The following CCDC178 variants were observed in gnomAD, a reference collection of about 807,000 sequenced individuals.
CCDC178 encodes coiled-coil domain containing 178, also known as coiled-coil domain-containing protein 178.
Under a neutral mutation model 117.4 loss-of-function variants are expected in CCDC178, and 126 were observed. The observed-to-expected ratio is 1.07, with a 90% CI of 0.93 to 1.24. CCDC178 has a LOEUF of 1.24. Among genes scored for constraint, CCDC178 ranks in the 50% most tolerant of loss-of-function variants. The pLI is 0.00. For synonymous variants in CCDC178, 283 were observed against 313.4 expected (o/e 0.90, Z 1.02); for missense variants, 1,030 against 986.9 (o/e 1.04, Z -0.59).
intron 3 of CCDC178, among the ~76,000 whole-genome samples, chr18:33,409,105 T>C (rs756146392): frequency 5.9e-5 from 9 of 152,176 alleles, no homozygotes; most frequent in Non-Finnish European, 1.0e-4. Flanking sequence ...ATTTTTATTG[T>C]TTGTTTTTTG....
chr18:32,964,748 A>G (rs187018240), intron 22 of CCDC178, among the ~76,000 whole-genome samples: 1,878 of 152,084 alleles, frequency 0.012, 24 homozygotes, highest in South Asian at 0.042. Context: ...AGACTCTAGC[A>G]TTCAGAGCGG....
chr18:33,288,586 T>C (rs2060130723), intron 12 of CCDC178, among the ~76,000 whole-genome samples: 1 of 151,540 alleles, frequency 6.6e-6, no homozygotes, highest in South Asian at 2.1e-4. Context: ...AGAGTCACAA[T>C]GCATCTCCTG....
At chr18:33,269,513 G>C (rs1336279334) in intron 12 of CCDC178, among the ~76,000 whole-genome samples, 1 of 151,696 alleles carries the variant, frequency 6.6e-6, no homozygotes, top group Non-Finnish European at 1.5e-5. Context: ...GGCAACGTTG[G>C]CAACTGCCTG....
intron 6 of CCDC178, among the ~76,000 whole-genome samples, chr18:33,359,911 A>G (rs1401084816): frequency 6.6e-6 from 1 of 151,240 alleles, no homozygotes; most frequent in Non-Finnish European, 1.5e-5. Flanking sequence ...ATTTCCATTG[A>G]CCTTGTTTAT....
chr18:33,266,803 T>A, intron 14 of CCDC178, 113 bp downstream of exon 14: 1 of 1,078,572 alleles, frequency 9.3e-7, no homozygotes, highest in Non-Finnish European at 1.3e-6. Flanking sequence ...AATTTTAAGC[T>A]ACTGATAAAC....
chr18:33,272,032 A>G (rs1329538824), intron 12 of CCDC178, among the ~76,000 whole-genome samples: 1 of 151,498 alleles, frequency 6.6e-6, no homozygotes, highest in African/African-American at 2.4e-5. Flanking sequence ...CAAAGCAAGT[A>G]AAAGAATGAA....
intron 2 of CCDC178, among the ~76,000 whole-genome samples, chr18:33,417,535 TACACAC>T (rs60345049): frequency 2.7e-4 from 40 of 148,296 alleles, no homozygotes; most frequent in African/African-American, 6.0e-4. Flanking sequence ...CAGAGCTGTA[TACACAC>T]ACACACACAC....
rs375603107 is a variant in CCDC178 at position 33,071,087 on chromosome 18, T to A, written c.2388+21674A>T. Among the ~76,000 whole-genome samples the A allele has an allele frequency of 2.6e-5, 4 of 152,120 alleles. No homozygotes were observed. In the East Asian group the frequency reaches 7.7e-4, roughly 29 times the overall value. On this transcript the variant is annotated intron_variant, in intron 21 of 22. Transcript: ENST00000383096. The stretch of plus-strand genomic sequence containing the variant: ...TCCATCAATATTTGTTTAACTATAG[T>A]GAATTATTGAATGGAGAGGTTTATA...
At chr18:33,118,258 C>T (rs1306389324) in intron 20 of CCDC178, among the ~76,000 whole-genome samples, 1 of 151,956 alleles carries the variant, frequency 6.6e-6, no homozygotes, top group African/African-American at 2.4e-5. Flanking sequence ...GGGCATTGTC[C>T]TCTAGACAGG....
At chr18:33,016,714 T>C (rs2055999520) in intron 21 of CCDC178, among the ~76,000 whole-genome samples, 1 of 152,004 alleles carries the variant, frequency 6.6e-6, no homozygotes, top group Non-Finnish European at 1.5e-5. Flanking sequence ...TAAGCAAAGA[T>C]GTTACTTGTA....
chr18:33,072,600 AAAG>A (rs1162412120), intron 21 of CCDC178, among the ~76,000 whole-genome samples: 2 of 152,230 alleles, frequency 1.3e-5, no homozygotes, highest in Admixed American at 1.3e-4. Context: ...TCCTTAATGG[AAAG>A]AAGAATAAAA....
At chr18:33,252,346 T>C (rs1244635478) in intron 14 of CCDC178, among the ~76,000 whole-genome samples, 1 of 151,782 alleles carries the variant, frequency 6.6e-6, no homozygotes, top group Non-Finnish European at 1.5e-5. Context: ...AATTTATTTT[T>C]AGTATTCAAC....
intron 2 of CCDC178, among the ~76,000 whole-genome samples, chr18:33,431,191 C>T (rs1331286537): frequency 6.0e-5 from 7 of 117,232 alleles, no homozygotes; most frequent in South Asian, 5.9e-4. Context: ...AATGATTTAA[C>T]TTTTTTTTTT....
intron 20 of CCDC178, among the ~76,000 whole-genome samples, chr18:33,136,631 T>C (rs898409703): frequency 6.6e-6 from 1 of 152,182 alleles, no homozygotes; most frequent in Non-Finnish European, 1.5e-5. Flanking sequence ...TAAAAGAAGT[T>C]TGACCTCATT....
At chr18:33,309,996 G>T (rs2144947236) in intron 11 of CCDC178, among the ~76,000 whole-genome samples, 2 of 148,644 alleles carry the variant, frequency 1.3e-5, no homozygotes, top group African/African-American at 2.5e-5. Context: ...TTGAGATGGA[G>T]TCTCACTCTG....
chr18:33,165,748 T>G (rs1432157900), intron 20 of CCDC178, among the ~76,000 whole-genome samples: 1 of 152,152 alleles, frequency 6.6e-6, no homozygotes, highest in Non-Finnish European at 1.5e-5. Flanking sequence ...AATTCACAGC[T>G]CCAAATATCA....
chr18:33,435,555 A>G (rs892901235), intron 2 of CCDC178, among the ~76,000 whole-genome samples: 2 of 152,116 alleles, frequency 1.3e-5, no homozygotes, highest in South Asian at 4.1e-4. Flanking sequence ...TATATCAGTC[A>G]ACAGACAGTA....
Position 33,426,016 on chromosome 18 carries a change from A to G in CCDC178, c.-22-13906T>C, listed in dbSNP as rs80245297. Among the ~76,000 whole-genome samples the G allele has an allele frequency of 2.1e-3, 313 of 152,318 alleles. 1 individual carries two copies. Among genetic ancestry groups the G allele is most frequent in the Non-Finnish European group, 3.3e-3 (224 of 68,024 alleles). ...CAACAGAAAACAAAGCTATATTATG[A>G]GGTAGCAAAGATTATATCACTAGAA... is the stretch of plus-strand genomic sequence containing the variant. On this transcript the variant is annotated intron_variant, in intron 2 of 22. Transcript: ENST00000383096.
intron 11 of CCDC178, among the ~76,000 whole-genome samples, chr18:33,318,242 GGTATTGTGACTCCAAACAAGGAAA>G (rs1259094692): frequency 6.6e-6 from 1 of 152,084 alleles, no homozygotes; most frequent in Non-Finnish European, 1.5e-5. Flanking sequence ...TTTGTGTATT[GGTATTGTGACTCCAAACAAGGAAA>G]GATCCCATCT....
Sources: allele counts gnomAD v4.1 joint callset (sites outside exome capture counted in the v4.1 genomes callset), GRCh38; gene constraint gnomAD v4.1.1; transcripts MANE v1.5; gene names NCBI Gene and HGNC (gene_info 2026-07-23, HGNC 2026-07-21).